GJB7: variants seen among roughly 807,000 people sequenced by gnomAD.
GJB7 encodes the protein gap junction protein beta 7, also known as gap junction beta-7 protein.
For missense variants in GJB7, 253 were observed against 256.8 expected (o/e 0.99, Z 0.10); for synonymous variants, 87 against 95.2 (o/e 0.91, Z 0.50).
chr6:87,324,847 A>T (rs1776776728), intron 1 of GJB7, among the ~76,000 whole-genome samples: 1 of 152,230 alleles, frequency 6.6e-6, no homozygotes. Flanking sequence ...TTGAATCTGT[A>T]AATTACCTTG....
At chr6:87,312,286 G>A (rs921317535) in intron 2 of GJB7, among the ~76,000 whole-genome samples, 2 of 151,276 alleles carry the variant, frequency 1.3e-5, no homozygotes, top group African/African-American at 4.9e-5. Context: ...GGCTGAGGTG[G>A]ATGGATCACG....
rs532131782 is a variant in GJB7, at chr6:87,284,268, T to TA, written c.644dup (p.Leu215PhefsTer43). On this transcript the variant is annotated frameshift_variant, in exon 3 of 3. Coordinates refer to ENST00000525899, the MANE Select transcript of GJB7 (RefSeq NM_198568.3). LOFTEE classifies it high-confidence loss of function. The stretch of plus-strand genomic sequence containing the variant: ...ACACACTGAGGACTTGAGGTTTTTT[T>TA]AAATATTTTTGGAGACAGCACTTAA... 901 of 1,613,634 alleles carry TA rather than the reference T, an allele frequency of 5.6e-4. 3 individuals are homozygous for TA. The African/African-American group carries it at 0.01, about 19-fold the overall frequency.
At chr6:87,307,686 A>C (rs1279291632) in intron 2 of GJB7, among the ~76,000 whole-genome samples, 1 of 152,248 alleles carries the variant, frequency 6.6e-6, no homozygotes, top group East Asian at 1.9e-4. Flanking sequence ...ATACCATCTC[A>C]CACCAGTTAG....
At chr6:87,323,723 C>T (rs942587202) in intron 1 of GJB7, among the ~76,000 whole-genome samples, 2 of 151,950 alleles carry the variant, frequency 1.3e-5, no homozygotes, top group Non-Finnish European at 2.9e-5. Flanking sequence ...TGAATAATGC[C>T]GCAATAAACA....
chr6:87,285,380 C>T (rs1405409689), intron 2 of GJB7, among the ~76,000 whole-genome samples: 1 of 152,182 alleles, frequency 6.6e-6, no homozygotes, highest in African/African-American at 2.4e-5. Flanking sequence ...TTCTCTAATT[C>T]GTTAATGCCC....
In GJB7 at chr6:87,284,832, G is replaced by A. The variant is rs41273283; in HGVS notation, c.81C>T (p.Val27=). 75,824 of 1,613,776 alleles carry A rather than the reference G, an allele frequency of 0.047. 2,830 individuals are homozygous for A. The highest frequency in any genetic ancestry group is 0.19 in the African/African-American group (14,422 of 74,884). Residue 27 remains valine, a synonymous_variant, in exon 3 of 3, where the codon GTC becomes GTT. Transcript: ENST00000525899. ...AGACCAGCAAACGGAAGACAAACAC[G>A]ACAGCCAGCCAAATCCATCCAGTCC... ...STGTGWIWLA[V]VFVFRLLVYM... is the part of the protein sequence containing the mutation.
At chr6:87,289,764 T>C (rs1476912713) in intron 2 of GJB7, among the ~76,000 whole-genome samples, 1 of 152,230 alleles carries the variant, frequency 6.6e-6, no homozygotes, top group African/African-American at 2.4e-5. Flanking sequence ...CACCAGCAAC[T>C]TCTTGCCCAA....
chr6:87,323,033 CTT>C lies in GJB7; in HGVS notation c.-197_-196del, dbSNP rs917036421. The stretch of plus-strand genomic sequence containing the variant: ...TTTTGTCATAGTGCGGACACTCGTG[CTT>C]TTTCAGCCCTGCAACACAATGTGTA... On this transcript the variant is annotated 5_prime_UTR_variant, in exon 2 of 3. Coordinates refer to ENST00000525899, the MANE Select transcript of GJB7 (RefSeq NM_198568.3). The C allele has an allele frequency of 1.4e-5, 2 of 141,574 alleles. No homozygotes were observed. Among genetic ancestry groups the C allele is most frequent in the Non-Finnish European group, 2.9e-5 (2 of 68,006 alleles). The allele number at this position is 141,574 out of a possible 1,614,324, so 8.8% of individuals were successfully genotyped here. A position where few individuals can be genotyped will look rare whatever the true frequency, so the allele number is the denominator to read the frequency against.
chr6:87,319,268 CA>C (rs765248009), intron 2 of GJB7, among the ~76,000 whole-genome samples: 7 of 152,182 alleles, frequency 4.6e-5, no homozygotes, highest in Non-Finnish European at 8.8e-5. Context: ...GAATTATAAA[CA>C]AAAATGACTA....
chr6:87,310,953 G>T (rs72916565), intron 2 of GJB7, among the ~76,000 whole-genome samples: 1 of 152,144 alleles, frequency 6.6e-6, no homozygotes, highest in African/African-American at 2.4e-5. Context: ...AGAGTTCTTA[G>T]AGATGATTCC....
At position 87,320,667 on chromosome 6, in the gene GJB7, T is replaced by C. The variant is rs192684327; in HGVS notation, c.-28+2199A>G. ...TGTATCAATACATGTAAGGTATACATTGGTTTGGCCCATCTCAAAGCAGCG... is the reference window on the plus strand; with the variant it reads ...TGTATCAATACATGTAAGGTATACACTGGTTTGGCCCATCTCAAAGCAGCG... On this transcript the variant is annotated intron_variant, in intron 2 of 2. Transcript: ENST00000525899. 1.3e-4 allele frequency among the ~76,000 whole-genome samples: 20 copies of C among 152,268 alleles called. 1 individual carries two copies. In the East Asian group the frequency reaches 3.9e-3, roughly 29 times the overall value.
At chr6:87,295,663 T>G in intron 2 of GJB7, among the ~76,000 whole-genome samples, 1 of 152,180 alleles carries the variant, frequency 6.6e-6, no homozygotes. Context: ...TCTCTTGATT[T>G]TAATCACAGT....
rs766871936 is a variant in GJB7, at chr6:87,284,445, CT to C, written c.467del (p.Lys156SerfsTer4). 7.4e-6 allele frequency: 12 copies of C among 1,614,040 alleles called. No individual in the cohort carries two copies. The highest frequency in any genetic ancestry group is 3.3e-5 in the South Asian group (3 of 91,080). On this transcript the variant is annotated frameshift_variant, in exon 3 of 3. Transcript: ENST00000525899. LOFTEE classifies it low-confidence loss of function (END_TRUNC). ...TGTTGGGACAAGGCTTCAAATCACA[CT>C]TTATAAGGTAGGGAACACTAAAGCC... is the stretch of plus-strand genomic sequence containing the variant. ...YDGFSVPYLIKCDLKPCPNTV... is the reference protein window; with the variant it reads ...YDGFSVPYLIXCDLKPCPNTV...
chr6:87,317,260 A>T (rs189582949), intron 2 of GJB7, among the ~76,000 whole-genome samples: 27 of 151,776 alleles, frequency 1.8e-4, no homozygotes, highest in African/African-American at 5.8e-4. Context: ...GATACTCAGG[A>T]GGCTGAGGTA....
intron 2 of GJB7, among the ~76,000 whole-genome samples, chr6:87,310,827 C>A (rs934965185): frequency 2.0e-4 from 31 of 152,142 alleles, no homozygotes; most frequent in Admixed American, 2.6e-4. Context: ...CTTAAACACA[C>A]TTTGTATAAG....
At chr6:87,326,339 G>T (rs140822293) in intron 1 of GJB7, among the ~76,000 whole-genome samples, 1,879 of 152,208 alleles carry the variant, frequency 0.012, 40 homozygotes, top group African/African-American at 0.042. Context: ...TGCTTTTCTA[G>T]TTCTCTTAAT....
At chr6:87,308,456 C>G (rs186660903) in intron 2 of GJB7, among the ~76,000 whole-genome samples, 5 of 151,992 alleles carry the variant, frequency 3.3e-5, no homozygotes, top group African/African-American at 1.2e-4. Flanking sequence ...AGCAGATTAA[C>G]TGAAAAAAGA....
intron 2 of GJB7, among the ~76,000 whole-genome samples, chr6:87,306,599 T>G (rs981273361): frequency 6.6e-6 from 1 of 151,998 alleles, no homozygotes; most frequent in Non-Finnish European, 1.5e-5. Flanking sequence ...AGTTCAACCA[T>G]TGTGGAAGTC....
chr6:87,292,906 C>G (rs1006863861), intron 2 of GJB7, among the ~76,000 whole-genome samples: 1 of 152,268 alleles, frequency 6.6e-6, no homozygotes, highest in African/African-American at 2.4e-5. Context: ...TCCACATCCA[C>G]AAACCATGTG....
Sources: allele counts gnomAD v4.1 joint callset (sites outside exome capture counted in the v4.1 genomes callset), GRCh38; gene constraint gnomAD v4.1.1; transcripts MANE v1.5; gene names NCBI Gene and HGNC (gene_info 2026-07-23, HGNC 2026-07-21).